Variants in SH3PXD2A observed in about 807,000 individuals in gnomAD.
SH3PXD2A encodes the protein SH3 and PX domains 2A.
A neutral mutation model predicts 115.2 loss-of-function variants in SH3PXD2A; 32 were observed. The ratio of observed to expected loss-of-function variants is 0.28; its 90% CI spans 0.21 to 0.37. SH3PXD2A has a LOEUF of 0.37. Ranked by LOEUF, SH3PXD2A falls within the 10% of genes least tolerant of loss-of-function variation. SH3PXD2A has a pLI of 1.00. For synonymous variants in SH3PXD2A, 610 were observed against 629.1 expected (o/e 0.97, Z 0.45); for missense variants, 1,328 against 1,498.7 (o/e 0.89, Z 1.88).
intron 2 of SH3PXD2A, among the ~76,000 whole-genome samples, chr10:103,778,387 C>T (rs182847381): frequency 6.6e-6 from 1 of 152,284 alleles, no homozygotes; most frequent in East Asian, 1.9e-4. Context: ...ACAGGCCAGG[C>T]ACAGAGGAAA....
chr10:103,734,460 A>C (rs2038357493), intron 4 of SH3PXD2A, among the ~76,000 whole-genome samples: 2 of 152,210 alleles, frequency 1.3e-5, no homozygotes, highest in African/African-American at 4.8e-5. Context: ...AAACATGTTA[A>C]AAATATGGCT....
intron 6 of SH3PXD2A, among the ~76,000 whole-genome samples, chr10:103,688,395 G>GGT (rs762390117): frequency 3.3e-5 from 5 of 152,230 alleles, no homozygotes; most frequent in Non-Finnish European, 4.4e-5. Context: ...TTGCTCTTGA[G>GGT]GTGGTGGGAG....
chr10:103,671,210 A>G (rs2037453912), intron 6 of SH3PXD2A, among the ~76,000 whole-genome samples: 1 of 152,244 alleles, frequency 6.6e-6, no homozygotes, highest in Non-Finnish European at 1.5e-5. Context: ...GGGCCAGAGA[A>G]TAAACACTGT....
intron 1 of SH3PXD2A, among the ~76,000 whole-genome samples, chr10:103,835,321 GGGT>G (rs2039526410): frequency 6.6e-6 from 1 of 152,210 alleles, no homozygotes; most frequent in African/African-American, 2.4e-5. Context: ...CAGGCAACTC[GGGT>G]GGCCCCATTG....
chr10:103,761,630 G>A (rs778989309), intron 3 of SH3PXD2A, among the ~76,000 whole-genome samples: 2 of 152,144 alleles, frequency 1.3e-5, no homozygotes, highest in South Asian at 2.1e-4. Flanking sequence ...CTGAGTCCCC[G>A]TGAGGTTCCA....
chr10:103,656,621 G>A (rs1178844296), intron 8 of SH3PXD2A, among the ~76,000 whole-genome samples: 1 of 152,160 alleles, frequency 6.6e-6, no homozygotes, highest in Non-Finnish European at 1.5e-5. Context: ...CCTGAGGTAA[G>A]GAGTTTGAGA....
Position 103,697,522 on chromosome 10 carries a change from C to A in SH3PXD2A, c.399-4466G>T, listed in dbSNP as rs186141893. 3.2e-4 allele frequency among the ~76,000 whole-genome samples: 49 copies of A among 152,328 alleles called. No homozygotes were observed. The East Asian group carries it at 7.9e-3, about 25-fold the overall frequency. ...TTTTGGGCTTTCGCAAATGCCAGAA[C>A]AACCACTGGTCTCTGTCTAGCGCCG... On this transcript the variant is annotated intron_variant, in intron 5 of 14. Coordinates refer to ENST00000369774, the MANE Select transcript of SH3PXD2A (RefSeq NM_001394015.1).
intron 1 of SH3PXD2A, among the ~76,000 whole-genome samples, chr10:103,832,681 C>T (rs2039494313): frequency 6.6e-6 from 1 of 152,150 alleles, no homozygotes; most frequent in Non-Finnish European, 1.5e-5. Flanking sequence ...CATGTTCTTA[C>T]TCATAGGTGG....
intron 6 of SH3PXD2A, among the ~76,000 whole-genome samples, chr10:103,683,320 C>T (rs1355010845): frequency 6.6e-6 from 1 of 152,052 alleles, no homozygotes; most frequent in Non-Finnish European, 1.5e-5. Context: ...CAAGACGACC[C>T]TGGGCAACAC....
At chr10:103,801,483 T>C (rs946775603) in intron 1 of SH3PXD2A, 121 bp from the exon 2 acceptor site, 46 of 646,126 alleles carry the variant, frequency 7.1e-5, no homozygotes, top group Non-Finnish European at 1.2e-4. Context: ...TCATCTCATC[T>C]GTCCCTAGGG....
At chr10:103,651,695 T>G (rs924139098) in intron 8 of SH3PXD2A, among the ~76,000 whole-genome samples, 1 of 152,222 alleles carries the variant, frequency 6.6e-6, no homozygotes, top group African/African-American at 2.4e-5. Flanking sequence ...ATAGACTGCA[T>G]GGTTTTATAT....
intron 1 of SH3PXD2A, among the ~76,000 whole-genome samples, chr10:103,831,921 T>C (rs1204995454): frequency 6.6e-6 from 1 of 152,204 alleles, no homozygotes; most frequent in Non-Finnish European, 1.5e-5. Context: ...CCTGTGGCCT[T>C]TTGTGTCTGA....
At position 103,633,261 on chromosome 10, in the gene SH3PXD2A, C is replaced by G. The variant is rs370799753; in HGVS notation, c.605-6059G>C. Among the ~76,000 whole-genome samples, 122 of 151,926 alleles carry G rather than the reference C, an allele frequency of 8.0e-4. No individual in the cohort carries two copies. The South Asian group carries it at 0.025, about 31-fold the overall frequency. ...TGAAACCCTGTCTCTACTAAAAATACAAAAATTAGCCAGGTGTAGTGGCCC... is the reference window on the plus strand; with the variant it reads ...TGAAACCCTGTCTCTACTAAAAATAGAAAAATTAGCCAGGTGTAGTGGCCC... On this transcript the variant is annotated intron_variant, in intron 8 of 14. Transcript: ENST00000369774.
intron 1 of SH3PXD2A, among the ~76,000 whole-genome samples, chr10:103,849,040 T>G (rs1319011726): frequency 1.6e-5 from 2 of 128,832 alleles, no homozygotes; most frequent in East Asian, 4.9e-4. Context: ...CGGCAGCGAG[T>G]GGTGGGGCCA....
chr10:103,717,589 ACGGCCAGATCTTTCTCCCACC>A (rs2038120563), intron 5 of SH3PXD2A, among the ~76,000 whole-genome samples: 1 of 152,188 alleles, frequency 6.6e-6, no homozygotes, highest in East Asian at 1.9e-4. Flanking sequence ...CTGGGGCCCT[ACGGCCAGATCTTTCTCCCACC>A]AGAACTGCAT....
At chr10:103,650,315 C>T (rs1197618949) in intron 8 of SH3PXD2A, among the ~76,000 whole-genome samples, 1 of 152,236 alleles carries the variant, frequency 6.6e-6, no homozygotes, top group Non-Finnish European at 1.5e-5. Context: ...CACAGATGTG[C>T]CACAGCCCTG....
intron 13 of SH3PXD2A, 142 bp from the exon 14 acceptor site, chr10:103,606,059 T>G (rs959127952): frequency 6.5e-5 from 49 of 751,978 alleles, no homozygotes; most frequent in Non-Finnish European, 8.7e-6. Flanking sequence ...AGTACGTATC[T>G]ATCATGGGAG....
At position 103,822,595 on chromosome 10, in the gene SH3PXD2A, C is replaced by G. The variant is rs531902240; in HGVS notation, c.73-21233G>C. 8.0e-4 allele frequency among the ~76,000 whole-genome samples: 122 copies of G among 152,356 alleles called. 1 individual carries two copies. In the South Asian group the frequency reaches 9.9e-3, roughly 12 times the overall value. On this transcript the variant is annotated intron_variant, in intron 1 of 14. Coordinates refer to ENST00000369774, the MANE Select transcript of SH3PXD2A (RefSeq NM_001394015.1). ...GCCTGTTAACGAGGACCCCAGGAAG[C>G]CTGGAGCAAGCTCAGGGCAGCCTCT... is the stretch of plus-strand genomic sequence containing the variant.
At chr10:103,836,119 T>C (rs906812005) in intron 1 of SH3PXD2A, among the ~76,000 whole-genome samples, 1 of 152,188 alleles carries the variant, frequency 6.6e-6, no homozygotes, top group African/African-American at 2.4e-5. Context: ...ATGAGGTCTA[T>C]GGGCACCTGC....
Sources: gnomAD v4.1 joint callset for allele counts (sites outside exome capture counted in the v4.1 genomes callset) on GRCh38, gnomAD v4.1.1 for gene constraint, MANE v1.5 for transcripts, NCBI Gene and HGNC (gene_info 2026-07-23, HGNC 2026-07-21) for gene names.